The following KCNMA1 variants were observed in gnomAD, a reference collection of about 807,000 sequenced individuals.
The protein encoded by KCNMA1 is Calcium-activated potassium channel subunit alpha-1.
A neutral mutation model predicts 140.0 loss-of-function variants in KCNMA1; 29 were observed. That is an observed-to-expected ratio of 0.21 (90% CI 0.15 to 0.28). The LOEUF (loss-of-function observed/expected upper bound fraction) is 0.28, where lower values mean the gene tolerates loss of function less well. Among genes scored for constraint, KCNMA1 ranks in the 10% least tolerant of loss-of-function variants. KCNMA1 has a pLI of 1.00. For missense variants in KCNMA1, 880 were observed against 1,602.2 expected (o/e 0.55, Z 7.70); for synonymous variants, 612 against 611.9 (o/e 1.00, Z 0.00).
At chr10:77,389,956 C>G (rs2095755433) in intron 2 of KCNMA1, among the ~76,000 whole-genome samples, 1 of 152,226 alleles carries the variant, frequency 6.6e-6, no homozygotes, top group Non-Finnish European at 1.5e-5. Context: ...TTGATGAACT[C>G]TGCTTCACGC....
chr10:76,957,185 A>C (rs909010321), intron 20 of KCNMA1, among the ~76,000 whole-genome samples: 46 of 151,686 alleles, frequency 3.0e-4, no homozygotes, highest in Non-Finnish European at 5.4e-4. Context: ...AGAAATGAAG[A>C]GGAATCTCAG....
At chr10:77,000,514 G>A (rs776343531) in intron 19 of KCNMA1, among the ~76,000 whole-genome samples, 3 of 152,104 alleles carry the variant, frequency 2.0e-5, no homozygotes, top group Non-Finnish European at 2.9e-5. Context: ...AGCCTTGACA[G>A]GTTCTTTAAC....
At chr10:77,335,602 G>A (rs2088630624) in intron 2 of KCNMA1, among the ~76,000 whole-genome samples, 1 of 152,160 alleles carries the variant, frequency 6.6e-6, no homozygotes, top group African/African-American at 2.4e-5. Flanking sequence ...CTAGACCTGA[G>A]AACTGCTGGG....
intron 19 of KCNMA1, chr10:76,970,433 A>T (rs963591740): frequency 3.9e-6 from 1 of 253,398 alleles, no homozygotes; most frequent in Non-Finnish European, 7.8e-6. Context: ...GCCCAGTAAT[A>T]GACTGCGTTT....
intron 2 of KCNMA1, among the ~76,000 whole-genome samples, chr10:77,293,126 A>C (rs1439911473): frequency 6.6e-6 from 1 of 152,192 alleles, no homozygotes; most frequent in Non-Finnish European, 1.5e-5. Flanking sequence ...CAATGTGGCC[A>C]ATGCATCTGA....
intron 2 of KCNMA1, chr10:77,350,408 C>T (rs955189114): frequency 6.6e-6 from 1 of 152,178 alleles, no homozygotes; most frequent in Non-Finnish European, 1.5e-5. Flanking sequence ...AGAGCAGGGG[C>T]TTCCAGGTGC....
At chr10:76,904,778 T>C (rs1267989833) in intron 25 of KCNMA1, 3 of 152,188 alleles carry the variant, frequency 2.0e-5, no homozygotes, top group Admixed American at 1.3e-4. Context: ...ACCTCCTAAC[T>C]CAGAGGACAA....
At chr10:77,536,229 G>A (rs1049939300) in intron 1 of KCNMA1, among the ~76,000 whole-genome samples, 6 of 152,118 alleles carry the variant, frequency 3.9e-5, no homozygotes, top group Middle Eastern at 3.2e-3. Flanking sequence ...TGTATTTTGC[G>A]GAATTATTTG....
intron 23 of KCNMA1, chr10:76,939,181 C>T (rs2061372947): frequency 8.3e-6 from 1 of 120,262 alleles, no homozygotes; most frequent in Admixed American, 1.2e-4. Context: ...AGTGCAGTGG[C>T]ATGATTTTGG....
chr10:77,136,705 G>T (rs1329791064), intron 5 of KCNMA1, among the ~76,000 whole-genome samples: 1 of 152,086 alleles, frequency 6.6e-6, no homozygotes, highest in Non-Finnish European at 1.5e-5. Flanking sequence ...AATGATGACA[G>T]TGGCCATGTT....
intron 1 of KCNMA1, among the ~76,000 whole-genome samples, chr10:77,436,902 A>T (rs1424578022): frequency 6.6e-6 from 1 of 152,084 alleles, no homozygotes; most frequent in Admixed American, 6.6e-5. Context: ...ATGCCAGGCT[A>T]GCAAGGGAGG....
chr10:76,977,509 T>A (rs1313456411), intron 19 of KCNMA1: 1 of 702,490 alleles, frequency 1.4e-6, no homozygotes, highest in Non-Finnish European at 2.6e-6. Flanking sequence ...AGAGACCATA[T>A]GGGTTGCAAA....
intron 23 of KCNMA1, among the ~76,000 whole-genome samples, chr10:76,943,340 G>C (rs564613608): frequency 6.6e-6 from 1 of 152,298 alleles, no homozygotes; most frequent in Admixed American, 6.5e-5. Context: ...GAGGACGGTG[G>C]CATGGAGAGG....
chr10:77,380,099 G>A (rs1566421534), intron 2 of KCNMA1, among the ~76,000 whole-genome samples: 2 of 152,168 alleles, frequency 1.3e-5, no homozygotes, highest in African/African-American at 2.4e-5. Flanking sequence ...CTCAGAGGGG[G>A]AAAAATGAAT....
At chr10:77,594,197 C>T (rs189253124) in intron 1 of KCNMA1, among the ~76,000 whole-genome samples, 6 of 152,312 alleles carry the variant, frequency 3.9e-5, no homozygotes, top group Non-Finnish European at 8.8e-5. Flanking sequence ...GGTTTACAGC[C>T]GTTCTGTCCC....
intron 2 of KCNMA1, among the ~76,000 whole-genome samples, chr10:77,346,361 A>G (rs2092138292): frequency 6.6e-6 from 1 of 152,180 alleles, no homozygotes; most frequent in Non-Finnish European, 1.5e-5. Flanking sequence ...AGAAAAGCAT[A>G]TTAATAATCT....
intron 5 of KCNMA1, among the ~76,000 whole-genome samples, chr10:77,170,466 G>A (rs1244895535): frequency 1.0e-5 from 1 of 96,364 alleles, no homozygotes; most frequent in African/African-American, 3.8e-5. Context: ...GGAGAAGGTC[G>A]GAGGTGAGGC....
rs370450113 is a variant in KCNMA1, at chr10:76,949,965, C to T, written c.2485-599G>A. On this transcript the variant is annotated intron_variant, in intron 21 of 27. Coordinates refer to ENST00000286628, the MANE Select transcript of KCNMA1 (RefSeq NM_001161352.2). ...GGCCCACTACATTCTTTTGTATGTTCAGTGAGCTAAAAATTGTTTTTGTGC... is the reference window on the plus strand; with the variant it reads ...GGCCCACTACATTCTTTTGTATGTTTAGTGAGCTAAAAATTGTTTTTGTGC... Among the ~76,000 whole-genome samples, 4 of 152,146 alleles carry T rather than the reference C, an allele frequency of 2.6e-5. No homozygotes were observed. The South Asian group carries it at 8.3e-4, about 32-fold the overall frequency.
At chr10:77,214,770 C>G (rs1287558050) in intron 3 of KCNMA1, among the ~76,000 whole-genome samples, 1 of 152,198 alleles carries the variant, frequency 6.6e-6, no homozygotes, top group Non-Finnish European at 1.5e-5. Flanking sequence ...AAACCCTCTC[C>G]TCCCTAGGCT....
Sources: allele counts gnomAD v4.1 joint callset (sites outside exome capture counted in the v4.1 genomes callset), GRCh38; gene constraint gnomAD v4.1.1; transcripts MANE v1.5; gene names NCBI Gene and HGNC (gene_info 2026-07-23, HGNC 2026-07-21).